The following DENND1A variants were observed in gnomAD, a reference collection of about 807,000 sequenced individuals.
DENND1A encodes DENN domain-containing protein 1A.
DENND1A carries 51 observed loss-of-function variants against 113.7 expected under a neutral mutation model. The observed-to-expected ratio is 0.45, with a 90% CI of 0.36 to 0.57. The LOEUF (loss-of-function observed/expected upper bound fraction) is 0.57. DENND1A is among the 20% of genes least tolerant of loss of function. The pLI, the probability that DENND1A is intolerant of heterozygous loss-of-function variation, is 0.00. For synonymous variants in DENND1A, 565 were observed against 570.8 expected (o/e 0.99, Z 0.14); for missense variants, 1,258 against 1,395.9 (o/e 0.90, Z 1.57).
At chr9:123,473,099 C>T (rs1006347468) in intron 13 of DENND1A, among the ~76,000 whole-genome samples, 5 of 152,100 alleles carry the variant, frequency 3.3e-5, no homozygotes, top group African/African-American at 7.2e-5. Context: ...AGGGGCAGGC[C>T]GTGTCTGACT....
intron 2 of DENND1A, among the ~76,000 whole-genome samples, chr9:123,802,521 A>G (rs1168289227): frequency 1.8e-3 from 3 of 1,656 alleles, no homozygotes; most frequent in Non-Finnish European, 4.2e-3. Context: ...CTCACCCTCT[A>G]CTCCTACGGT....
At chr9:123,461,273 C>T (rs12006492) in intron 13 of DENND1A, among the ~76,000 whole-genome samples, 7,779 of 152,260 alleles carry the variant, frequency 0.051, 650 homozygotes, top group African/African-American at 0.18. Flanking sequence ...CACTGGTATC[C>T]CCTCTCACCA....
At chr9:123,638,842 T>C (rs1039369600) in intron 9 of DENND1A, among the ~76,000 whole-genome samples, 2 of 151,996 alleles carry the variant, frequency 1.3e-5, no homozygotes, top group African/African-American at 2.4e-5. Context: ...TCTAAGTGGA[T>C]ATTTCTATTT....
rs2060970376 is a variant in DENND1A, at chr9:123,621,653, C to T, written c.719+8723G>A. Among the ~76,000 whole-genome samples, 3 of 152,328 alleles carry T rather than the reference C, an allele frequency of 2.0e-5. No individual in the cohort carries two copies. The South Asian group carries it at 6.2e-4, about 32-fold the overall frequency. The stretch of plus-strand genomic sequence containing the variant: ...CTGAAAACATTGGCTCAGTGACCTC[C>T]AATCTAGTAAATGGGGAAGCCAGGT... On this transcript the variant is annotated intron_variant, in intron 10 of 23. Transcript: ENST00000394215.
rs2042223365 is a variant in DENND1A at position 123,380,529 on chromosome 9, A to G, written c.*903T>C. On this transcript the variant is annotated 3_prime_UTR_variant, in exon 24 of 24. Transcript: ENST00000394215. ...GCTGCCTTCCACATCAGTCTGAGGC[A>G]TTCAGCTTGACCTTTTTGGGTTGAA... is the stretch of plus-strand genomic sequence containing the variant. The G allele has an allele frequency of 6.6e-6, 1 of 152,430 alleles. No individual in the cohort carries two copies. Among genetic ancestry groups the G allele is most frequent in the African/African-American group, 2.4e-5 (1 of 41,446 alleles). The allele number at this position is 152,430 out of a possible 1,614,324, so 9.4% of individuals were successfully genotyped here. A position where few individuals can be genotyped will look rare whatever the true frequency, so the allele number is the denominator to read the frequency against.
At chr9:123,465,047 T>C (rs1444789822) in intron 13 of DENND1A, among the ~76,000 whole-genome samples, 1 of 145,350 alleles carries the variant, frequency 6.9e-6, no homozygotes, top group Non-Finnish European at 1.5e-5. Flanking sequence ...TGCAAACCTG[T>C]AGTCCCAGCT....
chr9:123,382,281 G>A lies in DENND1A; in HGVS notation c.2364C>T (p.Ala788=), dbSNP rs755414480. 19 of 1,610,766 alleles carry A rather than the reference G, an allele frequency of 1.2e-5. No individual in the cohort carries two copies. The highest frequency in any genetic ancestry group is 1.2e-4 in the Admixed American group (7 of 59,880). The change falls in exon 24 of 24, where the codon GCC becomes GCT. Residue 788 remains alanine (A), a synonymous_variant. Coordinates refer to ENST00000394215, the MANE Select transcript of DENND1A (RefSeq NM_001352964.2). ...PIPRPAKLQA[A]GAALGDVSER... is the part of the protein sequence containing the mutation. ...CTGAGACGTCACCAAGTGCGGCGCC[G>A]GCAGCCTGGAGCTTGGCCGGGCGGG... is the stretch of plus-strand genomic sequence containing the variant.
At chr9:123,414,293 GCCA>G (rs2044545206) in intron 19 of DENND1A, 2 of 1,377,930 alleles carry the variant, frequency 1.5e-6, no homozygotes, top group Non-Finnish European at 1.9e-6. Flanking sequence ...TTTGCACAGT[GCCA>G]CCAACAGACA....
intron 21 of DENND1A, among the ~76,000 whole-genome samples, chr9:123,391,163 A>G (rs2042822735): frequency 6.6e-6 from 1 of 152,234 alleles, no homozygotes; most frequent in Non-Finnish European, 1.5e-5. Flanking sequence ...TTTCCAGTTC[A>G]GGAGCCACTT....
intron 13 of DENND1A, among the ~76,000 whole-genome samples, chr9:123,468,384 C>T (rs1304655095): frequency 6.6e-6 from 1 of 152,214 alleles, no homozygotes; most frequent in Non-Finnish European, 1.5e-5. Flanking sequence ...AATTCCCCAA[C>T]TGACTCCAGT....
At chr9:123,878,750 T>C (rs987436755) in intron 2 of DENND1A, among the ~76,000 whole-genome samples, 3 of 152,232 alleles carry the variant, frequency 2.0e-5, no homozygotes, top group African/African-American at 7.2e-5. Flanking sequence ...CCTATTATGC[T>C]TGAACTCTTA....
At chr9:123,666,813 T>A (rs1324534921) in intron 8 of DENND1A, among the ~76,000 whole-genome samples, 1 of 152,226 alleles carries the variant, frequency 6.6e-6, no homozygotes, top group Non-Finnish European at 1.5e-5. Context: ...TCCTTCCTTG[T>A]CTTTATACTT....
intron 2 of DENND1A, chr9:123,798,391 T>C (rs1268258457): frequency 6.6e-6 from 1 of 152,190 alleles, no homozygotes; most frequent in Non-Finnish European, 1.5e-5. Context: ...CCTATTGTTT[T>C]CAGTTGTTGA....
intron 1 of DENND1A, among the ~76,000 whole-genome samples, chr9:123,897,867 C>T (rs935917432): frequency 6.6e-6 from 1 of 151,460 alleles, no homozygotes; most frequent in Admixed American, 6.6e-5. Context: ...ACTGCTTGAG[C>T]CCAGGAGTTC....
intron 7 of DENND1A, 116 bp downstream of exon 7, chr9:123,671,174 TG>T (rs1477790516): frequency 1.7e-6 from 2 of 1,155,330 alleles, no homozygotes; most frequent in Non-Finnish European, 2.6e-6. Context: ...TCAGAGTATT[TG>T]GGGGTAGGGT....
At chr9:123,388,123 A>G (rs1017984056) in intron 21 of DENND1A, among the ~76,000 whole-genome samples, 2 of 152,250 alleles carry the variant, frequency 1.3e-5, no homozygotes, top group Admixed American at 1.3e-4. Context: ...AAAGTTGGCA[A>G]AGAATCACAC....
chr9:123,667,902 G>A (rs2063567507), intron 7 of DENND1A, among the ~76,000 whole-genome samples: 1 of 152,114 alleles, frequency 6.6e-6, no homozygotes, highest in African/African-American at 2.4e-5. Flanking sequence ...CGATGACTAA[G>A]AGTGGAGAAA....
intron 10 of DENND1A, among the ~76,000 whole-genome samples, chr9:123,617,052 A>G (rs1464690852): frequency 6.6e-6 from 1 of 152,258 alleles, no homozygotes; most frequent in Non-Finnish European, 1.5e-5. Context: ...AGAGGAACCC[A>G]TGGCTCAAAG....
intron 2 of DENND1A, among the ~76,000 whole-genome samples, chr9:123,803,735 T>C (rs922636296): frequency 6.6e-6 from 1 of 152,234 alleles, no homozygotes; most frequent in African/African-American, 2.4e-5. Context: ...CAGATATTTC[T>C]TAAAAGGTCA....
Sources: gnomAD v4.1 joint callset for allele counts (sites outside exome capture counted in the v4.1 genomes callset) on GRCh38, gnomAD v4.1.1 for gene constraint, MANE v1.5 for transcripts, NCBI Gene and HGNC (gene_info 2026-07-23, HGNC 2026-07-21) for gene names.